Variants in ARHGAP15 observed in about 807,000 individuals in gnomAD.
ARHGAP15 encodes the protein rho GTPase-activating protein 15.
Under a neutral mutation model 63.7 loss-of-function variants are expected in ARHGAP15, and 51 were observed. The observed-to-expected ratio is 0.80, with a 90% CI of 0.64 to 1.01. ARHGAP15 has a LOEUF of 1.01. Ranked by LOEUF, ARHGAP15 falls within the 50% of genes least tolerant of loss-of-function variation. The pLI is 0.00. For missense variants in ARHGAP15, 560 were observed against 564.6 expected, an observed-to-expected ratio of 0.99 and a Z score of 0.08; for synonymous variants, 191 against 193.8, an observed-to-expected ratio of 0.99 and a Z score of 0.12.
At chr2:143,254,386 G>A (rs868288337) in intron 6 of ARHGAP15, among the ~76,000 whole-genome samples, 1 of 151,554 alleles carries the variant, frequency 6.6e-6, no homozygotes, top group Non-Finnish European at 1.5e-5. Context: ...TGAGAAAATG[G>A]CTGCAAAATA....
At chr2:143,578,291 A>T (rs1696754330) in intron 11 of ARHGAP15, among the ~76,000 whole-genome samples, 1 of 151,964 alleles carries the variant, frequency 6.6e-6, no homozygotes, top group African/African-American at 2.4e-5. Context: ...AAGAAAAAAA[A>T]CTATCATTAA....
intron 13 of ARHGAP15, among the ~76,000 whole-genome samples, chr2:143,761,975 T>C (rs1398652796): frequency 6.6e-6 from 1 of 152,202 alleles, no homozygotes. Flanking sequence ...TTACTAGGAA[T>C]ACATACAAAG....
intron 2 of ARHGAP15, among the ~76,000 whole-genome samples, chr2:143,175,380 G>A (rs559906133): frequency 6.6e-6 from 1 of 152,274 alleles, no homozygotes; most frequent in South Asian, 2.1e-4. Flanking sequence ...GGAAGAAATT[G>A]GCGTAAGTAA....
At chr2:143,161,159 G>A (rs759245130) in intron 2 of ARHGAP15, among the ~76,000 whole-genome samples, 10 of 151,852 alleles carry the variant, frequency 6.6e-5, no homozygotes, top group Non-Finnish European at 1.5e-4. Context: ...GATAGTTGTC[G>A]GCACAAAGCA....
intron 10 of ARHGAP15, among the ~76,000 whole-genome samples, chr2:143,533,064 GT>G (rs1694588343): frequency 6.6e-6 from 1 of 152,136 alleles, no homozygotes; most frequent in Non-Finnish European, 1.5e-5. Flanking sequence ...CTTGTCTAGA[GT>G]TTCTAACACA....
At chr2:143,215,489 AG>A (rs1692719777) in intron 3 of ARHGAP15, among the ~76,000 whole-genome samples, 1 of 152,104 alleles carries the variant, frequency 6.6e-6, no homozygotes, top group African/African-American at 2.4e-5. Context: ...TATTTCAGCT[AG>A]GGGGATAACA....
chr2:143,634,041 G>A lies in ARHGAP15; in HGVS notation c.1138+9774G>A, dbSNP rs559890113. On this transcript the variant is annotated intron_variant, in intron 12 of 13. Coordinates refer to ENST00000295095, the MANE Select transcript of ARHGAP15 (RefSeq NM_018460.4). ...ACACGCAAACTGATATATCTGGCTT[G>A]CATTTCATTTTGAGAAAAATCCTTC... Among the ~76,000 whole-genome samples the A allele has an allele frequency of 2.0e-5, 3 of 152,184 alleles. No individual in the cohort carries two copies. In the East Asian group the frequency reaches 5.8e-4, roughly 29 times the overall value.
intron 6 of ARHGAP15, among the ~76,000 whole-genome samples, chr2:143,353,189 G>T (rs12997743): frequency 6.6e-6 from 1 of 152,180 alleles, no homozygotes; most frequent in East Asian, 1.9e-4. Context: ...CTACACCGGA[G>T]GCTGAGTCTG....
At chr2:143,239,881 C>A (rs185326545) in intron 5 of ARHGAP15, among the ~76,000 whole-genome samples, 181 of 148,234 alleles carry the variant, frequency 1.2e-3, no homozygotes, top group Non-Finnish European at 2.1e-4. Flanking sequence ...ACCTGAGCTA[C>A]TTAGGAGGCT....
At chr2:143,335,778 G>A (rs1684746379) in intron 6 of ARHGAP15, among the ~76,000 whole-genome samples, 1 of 152,082 alleles carries the variant, frequency 6.6e-6, no homozygotes, top group Admixed American at 6.6e-5. Context: ...AGGAGTCTGA[G>A]TAAATTACCC....
At chr2:143,314,091 A>G (rs1244352055) in intron 6 of ARHGAP15, among the ~76,000 whole-genome samples, 1 of 151,688 alleles carries the variant, frequency 6.6e-6, no homozygotes, top group East Asian at 1.9e-4. Flanking sequence ...TGACATTGCT[A>G]TTTGCAGAAA....
At chr2:143,322,393 C>A (rs1162418266) in intron 6 of ARHGAP15, among the ~76,000 whole-genome samples, 1 of 152,066 alleles carries the variant, frequency 6.6e-6, no homozygotes, top group Non-Finnish European at 1.5e-5. Context: ...AGAGAGTGGG[C>A]TACCTTCTCG....
At position 143,346,192 on chromosome 2, in the gene ARHGAP15, ACT is replaced by A. The variant is rs1201623811; in HGVS notation, c.475-89399_475-89398del. On this transcript the variant is annotated intron_variant, in intron 6 of 13. Coordinates refer to ENST00000295095, the MANE Select transcript of ARHGAP15 (RefSeq NM_018460.4). ...CACACACTCTCTCTCTCACACACACACTCTCTCTCTCACACACACACTCTCTC... is the reference window on the plus strand; with the variant it reads ...CACACACTCTCTCTCTCACACACACACTCTCTCTCACACACACACTCTCTC... Among the ~76,000 whole-genome samples the A allele has an allele frequency of 1.6e-3, 238 of 145,206 alleles. 1 individual carries two copies. Among genetic ancestry groups the A allele is most frequent in the South Asian group, 0.014 (66 of 4,584 alleles).
At chr2:143,554,808 C>G (rs958353732) in intron 10 of ARHGAP15, among the ~76,000 whole-genome samples, 1 of 152,012 alleles carries the variant, frequency 6.6e-6, no homozygotes, top group Non-Finnish European at 1.5e-5. Context: ...TACTTTAAAA[C>G]AAACAAACCA....
chr2:143,768,148 G>T lies in ARHGAP15; in HGVS notation c.1404G>T (p.Lys468Asn). 6.2e-7 allele frequency: 1 copy of T among 1,613,526 alleles called. No homozygotes were observed. Among genetic ancestry groups the T allele is most frequent in the Non-Finnish European group, 8.5e-7 (1 of 1,179,612 alleles). Reference sequence around the variant, plus strand: ...AGCTCATGCTGAGTGAGTACAGTAAGATCTTCGGCTCAGAGGAAGACTGAC... The same window carrying T: ...AGCTCATGCTGAGTGAGTACAGTAATATCTTCGGCTCAGAGGAAGACTGAC... The part of the protein sequence containing the change: ...IAELMLSEYS[K>N]IFGSEED The change falls in exon 14 of 14, where the codon AAG becomes AAT. Residue 468 changes from lysine to asparagine, a missense_variant. By Grantham distance (94) the Lys-to-Asn change is moderately conservative. Coordinates refer to ENST00000295095, the MANE Select transcript of ARHGAP15 (RefSeq NM_018460.4).
At chr2:143,309,306 G>A (rs1379014746) in intron 6 of ARHGAP15, among the ~76,000 whole-genome samples, 2 of 152,050 alleles carry the variant, frequency 1.3e-5, no homozygotes, top group Non-Finnish European at 2.9e-5. Flanking sequence ...GATACCATTT[G>A]CAGCTGTTGG....
At chr2:143,762,047 TATAA>T (rs945164082) in intron 13 of ARHGAP15, among the ~76,000 whole-genome samples, 56 of 152,284 alleles carry the variant, frequency 3.7e-4, no homozygotes, top group African/African-American at 1.3e-3. Flanking sequence ...AACTAAGCAG[TATAA>T]ATAAATAGCC....
chr2:143,512,794 G>A (rs1255996846), intron 9 of ARHGAP15, among the ~76,000 whole-genome samples: 1 of 152,238 alleles, frequency 6.6e-6, no homozygotes, highest in African/African-American at 2.4e-5. Flanking sequence ...AAAGTCAGGA[G>A]CTGAGTTGGA....
At chr2:143,690,350 T>A (rs1257558645) in intron 12 of ARHGAP15, among the ~76,000 whole-genome samples, 1 of 152,222 alleles carries the variant, frequency 6.6e-6, no homozygotes, top group Admixed American at 6.5e-5. Context: ...CAGATGCCAT[T>A]TAAAACCAAA....
Sources: gnomAD v4.1 joint callset for allele counts (sites outside exome capture counted in the v4.1 genomes callset) on GRCh38, gnomAD v4.1.1 for gene constraint, MANE v1.5 for transcripts, NCBI Gene and HGNC (gene_info 2026-07-23, HGNC 2026-07-21) for gene names.